The following FOXJ3 variants were observed in gnomAD, a reference collection of about 807,000 sequenced individuals.
The protein encoded by FOXJ3 is forkhead box protein J3.
FOXJ3 carries 22 observed loss-of-function variants against 76.1 expected under a neutral mutation model. The observed-to-expected ratio is 0.29, with a 90% confidence interval of 0.21 to 0.41. FOXJ3 has a LOEUF of 0.41. Among genes scored for constraint, FOXJ3 ranks in the 10% least tolerant of loss-of-function variants. The probability of loss-of-function intolerance (pLI) is 1.00; values close to 1 mark genes in which losing one functional copy is unlikely to be tolerated. For synonymous variants in FOXJ3, 269 were observed against 261.2 expected (o/e 1.03, Z -0.29); for missense variants, 613 against 762.1 (o/e 0.80, Z 2.30).
At chr1:42,212,715 A>G (rs2124369430) in intron 5 of FOXJ3, among the ~76,000 whole-genome samples, 1 of 152,210 alleles carries the variant, frequency 6.6e-6, no homozygotes, top group African/African-American at 2.4e-5. Flanking sequence ...AAGCTCAAAG[A>G]ACTTCTGGGA....
At chr1:42,226,870 A>G (rs1449154919) in intron 5 of FOXJ3, among the ~76,000 whole-genome samples, 4 of 152,222 alleles carry the variant, frequency 2.6e-5, no homozygotes, top group African/African-American at 4.8e-5. Flanking sequence ...TTTGAGGCTC[A>G]AAAGTTTTAA....
chr1:42,204,087 T>A (rs1359373484), intron 6 of FOXJ3, among the ~76,000 whole-genome samples: 1 of 151,792 alleles, frequency 6.6e-6, no homozygotes, highest in Non-Finnish European at 1.5e-5. Flanking sequence ...CAAACTCCAA[T>A]TTTGTCTCCC....
chr1:42,293,458 CAAGAT>C (rs1347568515), intron 2 of FOXJ3, among the ~76,000 whole-genome samples: 3 of 152,040 alleles, frequency 2.0e-5, no homozygotes, highest in African/African-American at 7.2e-5. Context: ...CTTAAAACAA[CAAGAT>C]ACTATTCCAA....
In FOXJ3 at chr1:42,182,393, C is replaced by T. The variant is rs74921063; in HGVS notation, c.1646-369G>A. On this transcript the variant is annotated intron_variant, in intron 11 of 12. Coordinates refer to ENST00000361346, the MANE Select transcript of FOXJ3 (RefSeq NM_014947.5). ...AAGGAGGGTAAGACAGGGATTGTTA[C>T]ACCCATTTTACAGATGAGGCAACTG... Among the ~76,000 whole-genome samples, 1,084 of 152,318 alleles carry T rather than the reference C, an allele frequency of 7.1e-3. 21 individuals carry two copies. Among genetic ancestry groups the T allele is most frequent in the African/African-American group, 0.025 (1,047 of 41,574 alleles).
At chr1:42,212,114 C>T (rs566142299) in intron 5 of FOXJ3, among the ~76,000 whole-genome samples, 188 of 152,180 alleles carry the variant, frequency 1.2e-3, no homozygotes, top group African/African-American at 3.9e-3. Context: ...TTTGGCTGGG[C>T]ATGGTGGCAC....
chr1:42,324,360 T>TACTATATATACTATATATAACATATAA lies in FOXJ3; in HGVS notation c.-18+10698_-18+10699insTTATATGTTATATATAGTATATATAGT, dbSNP rs1419303403. Among the ~76,000 whole-genome samples, 160 of 146,386 alleles carry TACTATATATACTATATATAACATATAA rather than the reference T, an allele frequency of 1.1e-3. 1 individual carries two copies. Among genetic ancestry groups the TACTATATATACTATATATAACATATAA allele is most frequent in the African/African-American group, 3.7e-3 (147 of 40,036 alleles). On this transcript the variant is annotated intron_variant, in intron 1 of 12. Transcript: ENST00000361346. ...TACACTATATACTATACATAACATA[T>TACTATATATACTATATATAACATATAA]ATACTATATATACTATATATAACAT...
At chr1:42,334,029 GA>G (rs1656313709) in intron 1 of FOXJ3, 2 of 327,202 alleles carry the variant, frequency 6.1e-6, no homozygotes, top group Non-Finnish European at 8.8e-6. Context: ...ACTCATTCAG[GA>G]ATCCAACCAG....
chr1:42,239,038 A>C (rs969131626), intron 4 of FOXJ3, among the ~76,000 whole-genome samples: 3 of 152,070 alleles, frequency 2.0e-5, no homozygotes, highest in African/African-American at 7.2e-5. Context: ...TGTATCCCTA[A>C]AGTATTTCAT....
chr1:42,302,740 TTTTA>T (rs1308499219), intron 2 of FOXJ3, among the ~76,000 whole-genome samples: 2 of 152,246 alleles, frequency 1.3e-5, no homozygotes, highest in African/African-American at 4.8e-5. Context: ...CATTTAATTT[TTTTA>T]TTTTTCAGTA....
intron 1 of FOXJ3, among the ~76,000 whole-genome samples, chr1:42,326,358 G>A (rs1296903041): frequency 6.6e-6 from 1 of 152,152 alleles, no homozygotes; most frequent in Non-Finnish European, 1.5e-5. Flanking sequence ...TCACTGTAGA[G>A]AGCTTAGAAA....
chr1:42,233,941 C>T (rs1416781414), intron 4 of FOXJ3, among the ~76,000 whole-genome samples: 6 of 151,690 alleles, frequency 4.0e-5, no homozygotes, highest in African/African-American at 1.2e-4. Context: ...TTGTCATAGA[C>T]AGCTCTTATT....
At chr1:42,193,752 T>C (rs572256783) in intron 8 of FOXJ3, among the ~76,000 whole-genome samples, 4 of 152,284 alleles carry the variant, frequency 2.6e-5, no homozygotes, top group South Asian at 2.1e-4. Context: ...GCTGTGAACA[T>C]GGAAACTTTC....
chr1:42,265,945 G>A (rs2124632458), intron 3 of FOXJ3, among the ~76,000 whole-genome samples: 1 of 152,170 alleles, frequency 6.6e-6, no homozygotes, highest in East Asian at 1.9e-4. Flanking sequence ...TGAATAGGTA[G>A]GACTGTACCC....
intron 3 of FOXJ3, among the ~76,000 whole-genome samples, chr1:42,275,823 CAAAA>C (rs376668836): frequency 6.6e-6 from 1 of 151,142 alleles, no homozygotes; most frequent in Non-Finnish European, 1.5e-5. Flanking sequence ...CTCAAGGTGC[CAAAA>C]AAAAGGGCTA....
intron 1 of FOXJ3, among the ~76,000 whole-genome samples, chr1:42,333,518 C>A (rs1258134722): frequency 6.6e-6 from 1 of 152,046 alleles, no homozygotes; most frequent in Non-Finnish European, 1.5e-5. Context: ...AAGAGAAATC[C>A]TCCTATTTAT....
chr1:42,218,076 T>C (rs556429535), intron 5 of FOXJ3, among the ~76,000 whole-genome samples: 14 of 152,316 alleles, frequency 9.2e-5, no homozygotes, highest in African/African-American at 2.9e-4. Flanking sequence ...GAAATAAATA[T>C]TTATTCAGTT....
chr1:42,253,734 T>C (rs1650315740), intron 4 of FOXJ3, among the ~76,000 whole-genome samples: 1 of 152,242 alleles, frequency 6.6e-6, no homozygotes, highest in Non-Finnish European at 1.5e-5. Flanking sequence ...ATTTAATAAA[T>C]GGTGCTGGGA....
chr1:42,282,461 C>A (rs995949681), intron 2 of FOXJ3, among the ~76,000 whole-genome samples: 4 of 152,160 alleles, frequency 2.6e-5, no homozygotes, highest in Admixed American at 6.6e-5. Flanking sequence ...TAATCCTTCT[C>A]TAAATTCCTA....
At chr1:42,315,131 C>A (rs918551264) in intron 1 of FOXJ3, among the ~76,000 whole-genome samples, 1 of 152,248 alleles carries the variant, frequency 6.6e-6, no homozygotes, top group African/African-American at 2.4e-5. Flanking sequence ...CCAGAACTGG[C>A]AAATCTATAG....
Sources: allele counts gnomAD v4.1 joint callset (sites outside exome capture counted in the v4.1 genomes callset), GRCh38; gene constraint gnomAD v4.1.1; transcripts MANE v1.5; gene names NCBI Gene and HGNC (gene_info 2026-07-23, HGNC 2026-07-21).